The following ATXN1 variants were observed in gnomAD, a reference collection of about 807,000 sequenced individuals.
ATXN1 encodes ataxin 1, also known as ataxin-1.
ATXN1 carries 8 observed loss-of-function variants against 56.4 expected under a neutral mutation model. The observed-to-expected ratio is 0.14, with a 90% CI of 0.08 to 0.26. ATXN1 has a LOEUF of 0.26. ATXN1 is among the 10% of genes least tolerant of loss of function. The pLI is 1.00. For missense variants in ATXN1, 987 were observed against 1,106.5 expected, an observed-to-expected ratio of 0.89 and a Z score of 1.53; for synonymous variants, 514 against 494.6, an observed-to-expected ratio of 1.04 and a Z score of -0.52.
intron 3 of ATXN1, among the ~76,000 whole-genome samples, chr6:16,617,367 AAATT>A (rs955476726): frequency 1.2e-4 from 19 of 152,320 alleles, no homozygotes; most frequent in African/African-American, 4.6e-4. Context: ...AAATCTGACT[AAATT>A]AGTCTATGTA....
chr6:16,559,413 T>C (rs1326230280), intron 4 of ATXN1, among the ~76,000 whole-genome samples: 1 of 152,068 alleles, frequency 6.6e-6, no homozygotes, highest in East Asian at 1.9e-4. Context: ...CTGAATACTT[T>C]ATGGCAAAAT....
chr6:16,362,486 A>C (rs1213917109), intron 6 of ATXN1, among the ~76,000 whole-genome samples: 6 of 151,582 alleles, frequency 4.0e-5, no homozygotes, highest in African/African-American at 1.5e-4. Flanking sequence ...AGTTACCCCC[A>C]TTATCACCAT....
intron 3 of ATXN1, among the ~76,000 whole-genome samples, chr6:16,594,697 G>T (rs183801251): frequency 1.3e-5 from 2 of 152,020 alleles, no homozygotes; most frequent in Non-Finnish European, 2.9e-5. Context: ...TGGCCAGGAC[G>T]GTCTGGATCT....
chr6:16,566,728 T>C (rs889291738), intron 4 of ATXN1, among the ~76,000 whole-genome samples: 2 of 151,874 alleles, frequency 1.3e-5, no homozygotes, highest in African/African-American at 2.4e-5. Context: ...TGGTGGTGGG[T>C]TCCTGTAATC....
At chr6:16,331,153 G>A (rs955780232) in intron 6 of ATXN1, among the ~76,000 whole-genome samples, 2 of 151,972 alleles carry the variant, frequency 1.3e-5, no homozygotes, top group Non-Finnish European at 2.9e-5. Context: ...GGCGGCTGCC[G>A]CCATGCCTGG....
At chr6:16,462,182 G>A (rs1303698682) in intron 6 of ATXN1, among the ~76,000 whole-genome samples, 1 of 152,164 alleles carries the variant, frequency 6.6e-6, no homozygotes, top group Admixed American at 6.5e-5. Context: ...CTTGTGGGAA[G>A]GACCATACTC....
intron 7 of ATXN1, among the ~76,000 whole-genome samples, chr6:16,309,101 G>A (rs780776903): frequency 1.3e-5 from 2 of 151,378 alleles, no homozygotes; most frequent in Non-Finnish European, 1.5e-5. Context: ...GTGGTGATGC[G>A]TGCCTGTAGT....
chr6:16,382,553 G>A (rs1758151682), intron 6 of ATXN1, among the ~76,000 whole-genome samples: 1 of 152,198 alleles, frequency 6.6e-6, no homozygotes, highest in Non-Finnish European at 1.5e-5. Context: ...GAAGTTAGGG[G>A]TGGGTGGGGT....
intron 1 of ATXN1, among the ~76,000 whole-genome samples, chr6:16,759,886 G>C (rs996664085): frequency 3.3e-5 from 5 of 152,144 alleles, no homozygotes; most frequent in African/African-American, 9.7e-5. Flanking sequence ...CCTGAAGGCG[G>C]GGGGCTGAAG....
At chr6:16,637,233 A>T (rs1222402634) in intron 3 of ATXN1, among the ~76,000 whole-genome samples, 10 of 152,070 alleles carry the variant, frequency 6.6e-5, no homozygotes, top group Admixed American at 5.2e-4. Context: ...ATTCTCAGCA[A>T]ATTATCGCAA....
chr6:16,344,704 C>G (rs1194181321), intron 6 of ATXN1, among the ~76,000 whole-genome samples: 1 of 152,226 alleles, frequency 6.6e-6, no homozygotes, highest in Non-Finnish European at 1.5e-5. Flanking sequence ...GACTGGTCAA[C>G]CACTGGCTTC....
intron 4 of ATXN1, among the ~76,000 whole-genome samples, chr6:16,527,700 A>C (rs1287432241): frequency 6.6e-6 from 1 of 152,242 alleles, no homozygotes. Context: ...GTGAAATAGA[A>C]TCAATGTTGG....
At chr6:16,338,375 C>A (rs1356008892) in intron 6 of ATXN1, among the ~76,000 whole-genome samples, 1 of 152,272 alleles carries the variant, frequency 6.6e-6, no homozygotes, top group South Asian at 2.1e-4. Context: ...CGCCTGTAGT[C>A]CCAGCTACGA....
chr6:16,449,217 C>T (rs763711112), intron 6 of ATXN1, among the ~76,000 whole-genome samples: 3 of 152,158 alleles, frequency 2.0e-5, no homozygotes, highest in Non-Finnish European at 4.4e-5. Flanking sequence ...CCTAGTACAG[C>T]ATGAGTGTAT....
At chr6:16,389,060 G>A (rs775181480) in intron 6 of ATXN1, among the ~76,000 whole-genome samples, 4 of 152,156 alleles carry the variant, frequency 2.6e-5, no homozygotes, top group African/African-American at 4.8e-5. Context: ...ATAGTGGCCC[G>A]GCGTGGTGGC....
At chr6:16,614,630 G>GA (rs1228250319) in intron 3 of ATXN1, among the ~76,000 whole-genome samples, 2 of 151,712 alleles carry the variant, frequency 1.3e-5, no homozygotes, top group Non-Finnish European at 2.9e-5. Flanking sequence ...AAGAGTCAAT[G>GA]ATTAAATTCA....
At chr6:16,581,901 TTA>T (rs1388848085) in intron 4 of ATXN1, among the ~76,000 whole-genome samples, 5 of 152,180 alleles carry the variant, frequency 3.3e-5, no homozygotes, top group African/African-American at 4.8e-5. Flanking sequence ...GTTTGTAGAG[TTA>T]TAAAAAGTAA....
chr6:16,644,203 T>C (rs1212597938), intron 3 of ATXN1, among the ~76,000 whole-genome samples: 1 of 152,148 alleles, frequency 6.6e-6, no homozygotes, highest in Non-Finnish European at 1.5e-5. Context: ...GAAATGTACA[T>C]AATGCCACTG....
In ATXN1 at chr6:16,306,296, G is replaced by A. The variant is rs775907686; in HGVS notation, c.*33C>T. 9.6e-6 allele frequency: 15 copies of A among 1,564,584 alleles called. No individual in the cohort carries two copies. Among genetic ancestry groups the A allele is most frequent in the African/African-American group, 1.4e-5 (1 of 73,702 alleles). On this transcript the variant is annotated 3_prime_UTR_variant, in exon 8 of 8. Transcript: ENST00000436367. This position sits in a 1 kb window ranked among gnomAD's most constrained non-coding sequence, Gnocchi z 5.2. ...CAGTAATCTGGATACAAATGATAAGGGAGAGCCACGTTTCCTTTCCCCCAC... is the reference window on the plus strand; with the variant it reads ...CAGTAATCTGGATACAAATGATAAGAGAGAGCCACGTTTCCTTTCCCCCAC...
Sources: gnomAD v4.1 joint callset for allele counts (sites outside exome capture counted in the v4.1 genomes callset) on GRCh38, gnomAD v4.1.1 for gene constraint, Gnocchi (gnomAD v3.1) non-coding constraint, MANE v1.5 for transcripts, NCBI Gene and HGNC (gene_info 2026-07-23, HGNC 2026-07-21) for gene names.